Variants in SLC9C1 observed in about 807,000 individuals in gnomAD.
The protein encoded by SLC9C1 is sodium/hydrogen exchanger 10.
SLC9C1 carries 97 observed loss-of-function variants against 140.9 expected under a neutral mutation model. The observed-to-expected ratio is 0.69, with a 90% confidence interval of 0.58 to 0.82. SLC9C1 has a LOEUF of 0.82. SLC9C1 is among the 40% of genes least tolerant of loss of function. SLC9C1 has a pLI of 0.00. For synonymous variants in SLC9C1, 440 were observed against 442.6 expected (o/e 0.99, Z 0.07); for missense variants, 1,340 against 1,389.3 (o/e 0.96, Z 0.56).
At chr3:112,253,746 A>T (rs2108266548) in intron 10 of SLC9C1, among the ~76,000 whole-genome samples, 1 of 152,320 alleles carries the variant, frequency 6.6e-6, no homozygotes, top group Non-Finnish European at 1.5e-5. Flanking sequence ...TGACCACACT[A>T]GTTCTCCGAC....
intron 10 of SLC9C1, among the ~76,000 whole-genome samples, chr3:112,251,506 A>C (rs2079456205): frequency 1.3e-5 from 2 of 152,178 alleles, no homozygotes; most frequent in African/African-American, 4.8e-5. Flanking sequence ...CTGCAACTTC[A>C]GCAAAGTCAG....
At chr3:112,263,135 C>A in intron 9 of SLC9C1, 37 bp from the exon 10 acceptor site, 1 of 1,509,818 alleles carries the variant, frequency 6.6e-7, no homozygotes, top group Non-Finnish European at 8.9e-7. Flanking sequence ...GTTATTCTTT[C>A]ATATGAGTTT....
chr3:112,199,214 T>A, intron 20 of SLC9C1, 107 bp downstream of exon 20: 1 of 899,992 alleles, frequency 1.1e-6, no homozygotes, highest in Non-Finnish European at 1.5e-6. Context: ...TAAGTGAGAT[T>A]TTCCTATCTT....
At chr3:112,234,126 A>G (rs1346236229) in intron 12 of SLC9C1, among the ~76,000 whole-genome samples, 1 of 152,136 alleles carries the variant, frequency 6.6e-6, no homozygotes, top group Non-Finnish European at 1.5e-5. Flanking sequence ...ATTTCTCCAC[A>G]TCCCTCTCCA....
intron 15 of SLC9C1, among the ~76,000 whole-genome samples, chr3:112,209,321 T>G (rs915558180): frequency 2.6e-5 from 4 of 152,206 alleles, no homozygotes; most frequent in African/African-American, 9.7e-5. Flanking sequence ...GCTGCAGAGT[T>G]TAAGCCTTGT....
chr3:112,285,612 A>G (rs2080486342), intron 2 of SLC9C1, among the ~76,000 whole-genome samples: 1 of 152,220 alleles, frequency 6.6e-6, no homozygotes, highest in South Asian at 2.1e-4. Flanking sequence ...TTAAGATTAC[A>G]CTGCATAATT....
At chr3:112,277,610 G>A (rs1051043009) in intron 5 of SLC9C1, 85 bp downstream of exon 5, 1 of 1,214,332 alleles carries the variant, frequency 8.2e-7, no homozygotes, top group Non-Finnish European at 1.1e-6. Flanking sequence ...ACAGTGAAAA[G>A]CTACCAAAAG....
Position 112,286,873 on chromosome 3 carries a change from C to A in SLC9C1, c.-82G>T. On this transcript the variant is annotated 5_prime_UTR_variant, in exon 2 of 29. Transcript: ENST00000305815. ...CATCTTGTTGTTTTTCACAGTCCAT[C>A]TGAATCTAAGAAACATAAGATTTGC... The A allele has an allele frequency of 1.1e-6, 1 of 891,810 alleles. No individual in the cohort carries two copies. The highest frequency in any genetic ancestry group is 1.6e-6 in the Non-Finnish European group (1 of 609,712). 55.2% of individuals were successfully genotyped at this position (891,810 alleles called of 1,614,324 possible). A position where few individuals can be genotyped will look rare whatever the true frequency, so the allele number is the denominator to read the frequency against.
In SLC9C1 at chr3:112,221,668, A is replaced by G. The variant is rs76008150; in HGVS notation, c.1573-443T>C. On this transcript the variant is annotated intron_variant, in intron 13 of 28. Transcript: ENST00000305815. ...CTGCCTCATCTGTGATAAGGATTAA[A>G]ATGATTCTATCTTTGTAACTTATAT... 9.4e-3 allele frequency among the ~76,000 whole-genome samples: 1,427 copies of G among 152,168 alleles called. 54 individuals are homozygous for G. In the East Asian group the frequency reaches 0.1, roughly 11 times the overall value.
rs199866303 is a variant in SLC9C1, at chr3:112,221,157, T to G, written c.1641A>C (p.Ala547=). The change falls in exon 14 of 29, where the codon GCA becomes GCC. Residue 547 remains alanine, a synonymous_variant. Transcript: ENST00000305815. ...SQSAVQVLVG[A]AESFGEKKGK... is the part of the protein sequence containing the mutation. ...CCTTCTTCTCACCAAAACTTTCTGCTGCACCAACCAACACCTGGACAGCAC... is the reference window on the plus strand; with the variant it reads ...CCTTCTTCTCACCAAAACTTTCTGCGGCACCAACCAACACCTGGACAGCAC... The G allele has an allele frequency of 4.2e-5, 68 of 1,613,584 alleles. No individual in the cohort carries two copies. Among genetic ancestry groups the G allele is most frequent in the Non-Finnish European group, 5.6e-5 (66 of 1,179,748 alleles).
intron 13 of SLC9C1, among the ~76,000 whole-genome samples, chr3:112,223,360 AT>A (rs1451469952): frequency 6.6e-6 from 1 of 152,168 alleles, no homozygotes; most frequent in Non-Finnish European, 1.5e-5. Context: ...CTAAATTCAT[AT>A]TCCAGCCATG....
At chr3:112,287,447 G>A (rs1330730705) in intron 1 of SLC9C1, among the ~76,000 whole-genome samples, 1 of 152,138 alleles carries the variant, frequency 6.6e-6, no homozygotes, top group East Asian at 1.9e-4. Context: ...ATTTATATGT[G>A]TATATAGCAA....
chr3:112,160,789 A>G (rs1576231678), intron 26 of SLC9C1, among the ~76,000 whole-genome samples: 1 of 151,526 alleles, frequency 6.6e-6, no homozygotes, highest in African/African-American at 2.4e-5. Context: ...ATACCCAGTA[A>G]TGGGATGGCT....
At chr3:112,268,516 A>G (rs2079984391) in intron 7 of SLC9C1, among the ~76,000 whole-genome samples, 1 of 152,220 alleles carries the variant, frequency 6.6e-6, no homozygotes, top group African/African-American at 2.4e-5. Context: ...CTTTTTACCA[A>G]TACAAAAAGA....
chr3:112,230,056 G>A (rs918459982), intron 13 of SLC9C1, among the ~76,000 whole-genome samples: 5 of 152,126 alleles, frequency 3.3e-5, no homozygotes, highest in Non-Finnish European at 4.4e-5. Context: ...GGAAGCAATT[G>A]TTGTGGCTTA....
chr3:112,252,479 G>T (rs745638846), intron 10 of SLC9C1, among the ~76,000 whole-genome samples: 5 of 152,106 alleles, frequency 3.3e-5, no homozygotes, highest in Non-Finnish European at 7.4e-5. Context: ...TGAAGCAACT[G>T]GAGGTTTAAG....
intron 23 of SLC9C1, among the ~76,000 whole-genome samples, chr3:112,174,515 T>A (rs757788215): frequency 7.2e-5 from 11 of 152,186 alleles, no homozygotes; most frequent in Non-Finnish European, 1.6e-4. Context: ...GGTGCAGTTG[T>A]ATGTCTCTAG....
chr3:112,237,173 G>A (rs2079011310), intron 12 of SLC9C1, among the ~76,000 whole-genome samples: 2 of 152,176 alleles, frequency 1.3e-5, no homozygotes, highest in South Asian at 4.1e-4. Context: ...TATATATTTA[G>A]GAGAGTTAGC....
In SLC9C1 at chr3:112,197,442, C is replaced by T. The variant is rs779461546; in HGVS notation, c.2523+1879G>A. Among the ~76,000 whole-genome samples the T allele has an allele frequency of 2.6e-4, 40 of 152,192 alleles. 1 individual carries two copies. Among genetic ancestry groups the T allele is most frequent in the South Asian group, 2.1e-3 (10 of 4,820 alleles). On this transcript the variant is annotated intron_variant, in intron 20 of 28. Coordinates refer to ENST00000305815, the MANE Select transcript of SLC9C1 (RefSeq NM_183061.3). Reference sequence around the variant, plus strand: ...ATGCAAGATATTTAGAGAACAGGGTCTTTTATTGCCAATCTGGCTCTTGCA... The same window carrying T: ...ATGCAAGATATTTAGAGAACAGGGTTTTTTATTGCCAATCTGGCTCTTGCA...
Sources: gnomAD v4.1 joint callset for allele counts (sites outside exome capture counted in the v4.1 genomes callset) on GRCh38, gnomAD v4.1.1 for gene constraint, MANE v1.5 for transcripts, NCBI Gene and HGNC (gene_info 2026-07-23, HGNC 2026-07-21) for gene names.